The following PLA2G2E variants were observed in gnomAD, a reference collection of about 807,000 sequenced individuals.
The protein encoded by PLA2G2E is phospholipase A2 group IIE.
Under a neutral mutation model 16.5 loss-of-function variants are expected in PLA2G2E, and 14 were observed. That is an observed-to-expected ratio of 0.85 (90% confidence interval 0.56 to 1.33). The LOEUF (loss-of-function observed/expected upper bound fraction) is 1.33. Ranked by LOEUF, PLA2G2E falls within the 40% of genes most tolerant of loss-of-function variation. The probability of loss-of-function intolerance (pLI) is 0.00; values close to 1 mark genes in which losing one functional copy is unlikely to be tolerated. For missense variants in PLA2G2E, 174 were observed against 190.7 expected, an observed-to-expected ratio of 0.91 and a Z score of 0.52; for synonymous variants, 72 against 77.2, an observed-to-expected ratio of 0.93 and a Z score of 0.36.
chr1:19,923,376 T>C, intron 1 of PLA2G2E, 144 bp downstream of exon 1: 1 of 701,046 alleles, frequency 1.4e-6, no homozygotes. Context: ...AAAACTGGCC[T>C]CAGGGTCACC....
At chr1:19,922,782 A>AGGGAGG (rs1553164467) in intron 1 of PLA2G2E, 27 bp from the exon 2 acceptor site, 1 of 1,610,634 alleles carries the variant, frequency 6.2e-7, no homozygotes, top group Non-Finnish European at 8.5e-7. Flanking sequence ...GGAGAGGGAG[A>AGGGAGG]GGGAGGGCCC....
At chr1:19,923,488 G>C in intron 1 of PLA2G2E, 32 bp downstream of exon 1, 1 of 1,540,214 alleles carries the variant, frequency 6.5e-7, no homozygotes, top group Non-Finnish European at 8.8e-7. Flanking sequence ...GCCAGATGGG[G>C]CAGAAGGCTG....
intron 2 of PLA2G2E, 58 bp from the exon 3 acceptor site, chr1:19,922,462 G>T: frequency 1.9e-6 from 3 of 1,558,770 alleles, no homozygotes; most frequent in Non-Finnish European, 2.6e-6. Flanking sequence ...CTGGACCAGG[G>T]GCTGCTCGGG....
At chr1:19,921,575 G>A (rs987322582) in intron 3 of PLA2G2E, among the ~76,000 whole-genome samples, 6 of 152,362 alleles carry the variant, frequency 3.9e-5, no homozygotes, top group Admixed American at 3.9e-4. Context: ...TGGCGGCAGA[G>A]GAAATGGAGC....
In PLA2G2E at chr1:19,922,413, G is replaced by T. The variant is rs768315780; in HGVS notation, c.180-9C>A. 2 of 1,612,094 alleles carry T rather than the reference G, an allele frequency of 1.2e-6. No homozygotes were observed. Among genetic ancestry groups the T allele is most frequent in the Non-Finnish European group, 1.7e-6 (2 of 1,178,500 alleles). On this transcript the variant is annotated splice_polypyrimidine_tract_variant and intron_variant, in intron 2 of 3. Transcript: ENST00000375116. The stretch of plus-strand genomic sequence containing the variant: ...CGTGGGCGTGGCAGCACCTGTAAGG[G>T]TCATGGTTGACCTGGAGGGACCTGT...
At position 19,920,065 on chromosome 1, in the gene PLA2G2E, G is replaced by A; in HGVS notation, c.*242C>T. ...GAGGGAGCTGAGATCCCAGAAGCTA[G>A]TGACAGTCTTCTGGGTGCTGAAGGG... On this transcript the variant is annotated 3_prime_UTR_variant, in exon 4 of 4. Coordinates refer to ENST00000375116, the MANE Select transcript of PLA2G2E (RefSeq NM_014589.3). This position sits in a 1 kb window ranked among gnomAD's most constrained non-coding sequence, Gnocchi z 4.3. 1 of 450,852 alleles carries A rather than the reference G, an allele frequency of 2.2e-6. No individual in the cohort carries two copies. Among genetic ancestry groups the A allele is most frequent in the Non-Finnish European group, 3.9e-6 (1 of 254,484 alleles). 27.9% of individuals were successfully genotyped at this position (450,852 alleles called of 1,614,324 possible).
chr1:19,922,583 C>T, intron 2 of PLA2G2E, 34 bp downstream of exon 2: 2 of 1,610,022 alleles, frequency 1.2e-6, no homozygotes, highest in Non-Finnish European at 1.7e-6. Flanking sequence ...CTCCTCCATC[C>T]CCATGGAGGT....
chr1:19,922,988 T>G (rs927041021), intron 1 of PLA2G2E, among the ~76,000 whole-genome samples: 1 of 152,040 alleles, frequency 6.6e-6, no homozygotes, highest in Non-Finnish European at 1.5e-5. Context: ...GCGCCCCCAG[T>G]GTCCCCTCCC....
chr1:19,922,635 G>A lies in PLA2G2E; in HGVS notation c.161C>T (p.Pro54Leu), dbSNP rs774338921. 8 of 1,613,882 alleles carry A rather than the reference G, an allele frequency of 5.0e-6. No individual in the cohort carries two copies. The highest frequency in any genetic ancestry group is 2.2e-5 in the East Asian group (1 of 44,866). The change falls in exon 2 of 4, where the codon CCG becomes CTG. Residue 54 changes from proline (P) to leucine (L), a missense_variant. Transcript: ENST00000375116. ...TCCTCACCAGTCAGTCTGGTCCACC[G>A]GCCAGTGGGAGCCACCGATGCCGCA... is the stretch of plus-strand genomic sequence containing the variant. ...CYCGIGGSHW[P>L]VDQTDWCCHA... is the part of the protein sequence containing the mutation.
intron 1 of PLA2G2E, 45 bp from the exon 2 acceptor site, chr1:19,922,800 T>C (rs1330140154): frequency 6.3e-7 from 1 of 1,581,346 alleles, no homozygotes; most frequent in East Asian, 2.2e-5. Flanking sequence ...CCCCACCCTC[T>C]GCAGCCAACT....
intron 3 of PLA2G2E, among the ~76,000 whole-genome samples, chr1:19,921,014 T>C (rs1395007386): frequency 1.3e-5 from 2 of 152,228 alleles, no homozygotes; most frequent in Non-Finnish European, 2.9e-5. Flanking sequence ...GTCAGACTTC[T>C]ACCCTGACCT....
At chr1:19,921,298 C>G (rs2045812428) in intron 3 of PLA2G2E, among the ~76,000 whole-genome samples, 1 of 152,202 alleles carries the variant, frequency 6.6e-6, no homozygotes, top group African/African-American at 2.4e-5. Context: ...TTTTGGGGGG[C>G]TTTTTCCAGG....
At position 19,920,322 on chromosome 1, in the gene PLA2G2E, G is replaced by T. The variant is rs1434024296; in HGVS notation, c.414C>A (p.Pro138=). 3 of 1,612,602 alleles carry T rather than the reference G, an allele frequency of 1.9e-6. No homozygotes were observed. The East Asian group carries it at 6.7e-5, about 36-fold the overall frequency. ...AHYPNKLCTG[P]TPPC The stretch of plus-strand genomic sequence containing the variant: ...GAGCATAGCCTCAGCAGGGCGGGGT[G>T]GGCCCGGTGCACAGCTTGTTGGGAT... Residue 138 remains proline (P), a synonymous_variant, in exon 4 of 4, where the codon CCC becomes CCA. Coordinates refer to ENST00000375116, the MANE Select transcript of PLA2G2E (RefSeq NM_014589.3). The surrounding 1 kb of genome is among the most constrained non-coding windows in gnomAD (Gnocchi z 4.3).
intron 1 of PLA2G2E, 61 bp from the exon 2 acceptor site, chr1:19,922,816 T>C (rs2100356932): frequency 6.4e-7 from 1 of 1,573,282 alleles, no homozygotes; most frequent in Non-Finnish European, 8.7e-7. Context: ...CAACTTCCCC[T>C]GATGTCCCCT....
In PLA2G2E at chr1:19,923,450, C is replaced by G. The variant is rs2045835042; in HGVS notation, c.40+70G>C. 9 of 1,366,674 alleles carry G rather than the reference C, an allele frequency of 6.6e-6. No individual in the cohort carries two copies. In the South Asian group the frequency reaches 6.7e-5, roughly 10 times the overall value. The allele number at this position is 1,366,674 out of a possible 1,614,324, so 84.7% of individuals were successfully genotyped here. A position where few individuals can be genotyped will look rare whatever the true frequency, so the allele number is the denominator to read the frequency against. The stretch of plus-strand genomic sequence containing the variant: ...CCACCACACCCTCGGTAGGGCCAGG[C>G]TCAGGGGCATCCAGGGAGCTTGGGG... On this transcript the variant is annotated intron_variant, in intron 1 of 3. Coordinates refer to ENST00000375116, the MANE Select transcript of PLA2G2E (RefSeq NM_014589.3).
chr1:19,920,238 T>C lies in PLA2G2E; in HGVS notation c.*69A>G. On this transcript the variant is annotated 3_prime_UTR_variant, in exon 4 of 4. Transcript: ENST00000375116. The surrounding 1 kb of genome is among the most constrained non-coding windows in gnomAD (Gnocchi z 4.3). ...AAGGGAGGGCCTTTGGTGCCAATGTTCCCCAGGCCTGGGACTACAGCAGCC... is the reference window on the plus strand; with the variant it reads ...AAGGGAGGGCCTTTGGTGCCAATGTCCCCCAGGCCTGGGACTACAGCAGCC... The C allele has an allele frequency of 7.1e-7, 1 of 1,400,506 alleles. No homozygotes were observed. The highest frequency in any genetic ancestry group is 9.8e-7 in the Non-Finnish European group (1 of 1,017,004). 86.8% of individuals were successfully genotyped at this position (1,400,506 alleles called of 1,614,324 possible).
At chr1:19,923,416 G>T in intron 1 of PLA2G2E, 104 bp downstream of exon 1, 1 of 1,015,728 alleles carries the variant, frequency 9.8e-7, no homozygotes, top group Non-Finnish European at 1.4e-6. Flanking sequence ...AGCCTCCAGT[G>T]TTTGGCATCC....
Position 19,920,020 on chromosome 1 carries a change from CATT to C in PLA2G2E, c.*284_*286del, listed in dbSNP as rs1271471854. 9.2e-6 allele frequency: 3 copies of C among 327,728 alleles called. No homozygotes were observed. The highest frequency in any genetic ancestry group is 1.7e-5 in the Non-Finnish European group (3 of 178,546). The allele number at this position is 327,728 out of a possible 1,614,324, so 20.3% of individuals were successfully genotyped here. A position where few individuals can be genotyped will look rare whatever the true frequency, so the allele number is the denominator to read the frequency against. On this transcript the variant is annotated 3_prime_UTR_variant, in exon 4 of 4. Transcript: ENST00000375116. This position sits in a 1 kb window ranked among gnomAD's most constrained non-coding sequence, Gnocchi z 4.3. ...AAAGAACATTAGAATTATGGGAAAACATTATTCACTTATTCAGAAGAGGGAGCT... is the reference window on the plus strand; with the variant it reads ...AAAGAACATTAGAATTATGGGAAAACATTCACTTATTCAGAAGAGGGAGCT...
chr1:19,923,528 C>A lies in PLA2G2E; in HGVS notation c.32G>T (p.Cys11Phe), dbSNP rs1047424022. 2.6e-6 allele frequency: 4 copies of A among 1,550,148 alleles called. No individual in the cohort carries two copies. In the Admixed American group the frequency reaches 5.9e-5, roughly 23 times the overall value. ...TCACAAAGATCACTTACCCAGGAGG[C>A]AAAGGAACACCAGCACGTGGGGAGA... MKSPHVLVFLCLLVALVTGNL... is the reference protein window; with the variant it reads MKSPHVLVFLFLLVALVTGNL... The change falls in exon 1 of 4, where the codon TGC becomes TTC. Residue 11 changes from cysteine to phenylalanine, a missense_variant. Cys to Phe is a radical substitution (Grantham distance 205, BLOSUM62 -2). Coordinates refer to ENST00000375116, the MANE Select transcript of PLA2G2E (RefSeq NM_014589.3).
Sources: gnomAD v4.1 joint callset for allele counts (sites outside exome capture counted in the v4.1 genomes callset) on GRCh38, gnomAD v4.1.1 for gene constraint, Gnocchi (gnomAD v3.1) non-coding constraint, MANE v1.5 for transcripts, NCBI Gene and HGNC (gene_info 2026-07-23, HGNC 2026-07-21) for gene names.